Variants in AKAP9 observed in about 807,000 individuals in gnomAD.
The protein encoded by AKAP9 is A-kinase anchor protein 9.
In AKAP9, 311 loss-of-function variants were observed where a neutral mutation model predicts 488.5. The observed-to-expected ratio is 0.64, with a 90% confidence interval of 0.58 to 0.70. The LOEUF is 0.70. AKAP9 is among the 30% of genes least tolerant of loss of function. The probability of loss-of-function intolerance (pLI) is 0.00; values close to 1 mark genes in which losing one functional copy is unlikely to be tolerated. For missense variants in AKAP9, 4,215 were observed against 4,374.5 expected (o/e 0.96, Z 1.03); for synonymous variants, 1,462 against 1,483.5 (o/e 0.99, Z 0.33).
intron 3 of AKAP9, among the ~76,000 whole-genome samples, chr7:91,985,412 A>G (rs769521056): frequency 6.6e-6 from 1 of 151,970 alleles, no homozygotes; most frequent in Non-Finnish European, 1.5e-5. Flanking sequence ...GTGATGGATT[A>G]TGTTTATTGA....
chr7:91,996,940 A>G (rs1798476755), intron 7 of AKAP9, among the ~76,000 whole-genome samples: 1 of 152,176 alleles, frequency 6.6e-6, no homozygotes, highest in Non-Finnish European at 1.5e-5. Context: ...TAGAAGTACA[A>G]TTATCACTCC....
intron 26 of AKAP9, among the ~76,000 whole-genome samples, chr7:92,069,547 GAT>G (rs1811344177): frequency 6.6e-6 from 1 of 152,160 alleles, no homozygotes; most frequent in African/African-American, 2.4e-5. Context: ...TTGAAATGAA[GAT>G]ATGTTTTATA....
In AKAP9 at chr7:92,042,186, G is replaced by A. The variant is rs1806221480; in HGVS notation, c.5058G>A (p.Gln1686=). The part of the protein sequence containing the change: ...CELRNSSTQT[Q]NGNENQGEVE... Reference sequence around the variant, plus strand: ...TGCGCAACAGCAGTACGCAAACACAGGTAGTATGGACTTTGCCCCACCTAG... The same window carrying A: ...TGCGCAACAGCAGTACGCAAACACAAGTAGTATGGACTTTGCCCCACCTAG... Residue 1686 remains glutamine (Q), a splice_region_variant and synonymous_variant, in exon 19 of 50, where the codon CAG becomes CAA. Coordinates refer to ENST00000356239, the MANE Select transcript of AKAP9 (RefSeq NM_005751.5). The A allele has an allele frequency of 6.2e-7, 1 of 1,613,770 alleles. No individual in the cohort carries two copies.
chr7:91,983,458 A>G (rs971793557), intron 3 of AKAP9, among the ~76,000 whole-genome samples: 1 of 152,160 alleles, frequency 6.6e-6, no homozygotes, highest in African/African-American at 2.4e-5. Flanking sequence ...TCATTGATGG[A>G]CATTTGGGTT....
At position 92,077,228 on chromosome 7, in the gene AKAP9, G is replaced by A. The variant is rs1486528617; in HGVS notation, c.6765+221G>A. On this transcript the variant is annotated intron_variant, in intron 29 of 49. Transcript: ENST00000356239. ...CTGCCTCAGCCTCCCGAGTAGCTGG[G>A]ACTATAGGCACGTACCACCACGCCT... 4.6e-5 allele frequency among the ~76,000 whole-genome samples: 7 copies of A among 151,432 alleles called. 1 individual carries two copies. The East Asian group carries it at 1.2e-3, about 25-fold the overall frequency.
intron 15 of AKAP9, among the ~76,000 whole-genome samples, chr7:92,030,376 C>T (rs991596163): frequency 3.9e-5 from 6 of 152,184 alleles, no homozygotes; most frequent in Non-Finnish European, 8.8e-5. Flanking sequence ...GGTGTGATGG[C>T]TCATGCCTGT....
At chr7:91,987,893 C>A (rs528045020) in intron 3 of AKAP9, among the ~76,000 whole-genome samples, 1 of 151,924 alleles carries the variant, frequency 6.6e-6, no homozygotes, top group Non-Finnish European at 1.5e-5. Context: ...ATTTATTGGC[C>A]GGGCATAGTA....
At position 92,002,552 on chromosome 7, in the gene AKAP9, G is replaced by A; in HGVS notation, c.2635G>A (p.Glu879Lys). The change falls in exon 8 of 50, where the codon GAA becomes AAA. Residue 879 changes from glutamate (E) to lysine (K), a missense_variant. Glu to Lys is a moderately conservative substitution (Grantham distance 56). Coordinates refer to ENST00000356239, the MANE Select transcript of AKAP9 (RefSeq NM_005751.5). ...ACLLKVKDDL[E>K]DSKNKQELEY... ...CCTTCTCAAAGTAAAAGATGATTTA[G>A]AAGACAGTAAAAATAAACAGGAATT... 1 of 1,609,830 alleles carries A rather than the reference G, an allele frequency of 6.2e-7. No homozygotes were observed. The highest frequency in any genetic ancestry group is 2.2e-5 in the East Asian group (1 of 44,794).
intron 25 of AKAP9, 82 bp downstream of exon 25, chr7:92,065,545 GAA>G: frequency 9.9e-7 from 1 of 1,005,832 alleles, no homozygotes; most frequent in Non-Finnish European, 1.5e-6. Context: ...TTTAAATTAT[GAA>G]AAGACTGTTG....
intron 35 of AKAP9, 140 bp from the exon 36 acceptor site, chr7:92,085,355 G>A: frequency 1.2e-6 from 1 of 808,880 alleles, no homozygotes; most frequent in Non-Finnish European, 2.0e-6. Flanking sequence ...CCCTCCACAG[G>A]AAGAAGGCAT....
rs757241066 is a variant in AKAP9 at position 92,099,734 on chromosome 7, A to G, written c.10761A>G (p.Arg3587=). 5 of 1,614,004 alleles carry G rather than the reference A, an allele frequency of 3.1e-6. No individual in the cohort carries two copies. Among genetic ancestry groups the G allele is most frequent in the Non-Finnish European group, 3.4e-6 (4 of 1,179,982 alleles). ...PSTSCGSLTE[R]LLRQNAELTG... is the part of the protein sequence containing the mutation. Reference sequence around the variant, plus strand: ...CTTCTTGTGGCTCATTGACTGAAAGACTACTGAGACAAAATGCTGAGCTGA... The same window carrying G: ...CTTCTTGTGGCTCATTGACTGAAAGGCTACTGAGACAAAATGCTGAGCTGA... Residue 3587 remains arginine (R), a synonymous_variant, in exon 44 of 50, where the codon AGA becomes AGG. Transcript: ENST00000356239.
chr7:92,079,375 T>C lies in AKAP9; in HGVS notation c.7242T>C (p.Asn2414=), dbSNP rs1813137668. The C allele has an allele frequency of 6.2e-7, 1 of 1,613,930 alleles. No homozygotes were observed. The highest frequency in any genetic ancestry group is 1.1e-5 in the South Asian group (1 of 91,080). ...ATGAAGAAATGACCTTCATGAAAAATGTACTTAAAGAAACCAATTTTAAAA... is the reference window on the plus strand; with the variant it reads ...ATGAAGAAATGACCTTCATGAAAAACGTACTTAAAGAAACCAATTTTAAAA... ...TANEEMTFMK[N]VLKETNFKMN... The change falls in exon 31 of 50, where the codon AAT becomes AAC. Residue 2414 remains asparagine, a synonymous_variant. Coordinates refer to ENST00000356239, the MANE Select transcript of AKAP9 (RefSeq NM_005751.5).
intron 22 of AKAP9, 82 bp from the exon 23 acceptor site, chr7:92,061,178 C>A: frequency 6.6e-7 from 1 of 1,515,194 alleles, no homozygotes; most frequent in Non-Finnish European, 9.0e-7. Flanking sequence ...TAAAATCCTC[C>A]TTTTTTCCAG....
rs2130422211 is a variant in AKAP9 at position 91,941,007 on chromosome 7, G to C, written c.-93G>C. On this transcript the variant is annotated 5_prime_UTR_variant, in exon 1 of 50. Transcript: ENST00000356239. ...CCGAATCGGCTCTCTAGGCCGTGGA[G>C]CTTGCCGTCCCACCTCCGTCCAAAT... is the stretch of plus-strand genomic sequence containing the variant. The C allele has an allele frequency of 7.5e-7, 1 of 1,331,220 alleles. No homozygotes were observed. Among genetic ancestry groups the C allele is most frequent in the African/African-American group, 1.4e-5 (1 of 69,202 alleles). The allele number at this position is 1,331,220 out of a possible 1,614,324, so 82.5% of individuals were successfully genotyped here. A position where few individuals can be genotyped will look rare whatever the true frequency, so the allele number is the denominator to read the frequency against.
chr7:91,976,559 T>G (rs1795722020), intron 2 of AKAP9, among the ~76,000 whole-genome samples: 1 of 152,214 alleles, frequency 6.6e-6, no homozygotes, highest in Non-Finnish European at 1.5e-5. Context: ...GCTTTTTTTG[T>G]GTCTATTTGC....
In AKAP9 at chr7:91,995,789, G is replaced by A; in HGVS notation, c.919G>A (p.Val307Ile). 2 of 1,603,524 alleles carry A rather than the reference G, an allele frequency of 1.2e-6. No individual in the cohort carries two copies. Among genetic ancestry groups the A allele is most frequent in the Non-Finnish European group, 1.7e-6 (2 of 1,171,274 alleles). The change falls in exon 7 of 50, where the codon GTA (valine) becomes ATA (isoleucine). Residue 307 changes from valine to isoleucine, a missense_variant. Coordinates refer to ENST00000356239, the MANE Select transcript of AKAP9 (RefSeq NM_005751.5). The part of the protein sequence containing the change: ...QISFLQEKIK[V>I]YEMEQDKKVE... ...TAGTTTCTTGCAAGAGAAAATTAAA[G>A]TATATGAAATGGTATGTTTATTTTA...
chr7:92,016,289 A>G (rs368208297), intron 11 of AKAP9, 22 bp downstream of exon 11: 61 of 1,449,462 alleles, frequency 4.2e-5, no homozygotes, highest in Non-Finnish European at 5.4e-5. Flanking sequence ...TTACCATACT[A>G]TTAAACAGTA....
Position 91,994,682 on chromosome 7 carries a change from A to G in AKAP9, c.638A>G (p.Asn213Ser). The G allele has an allele frequency of 6.2e-7, 1 of 1,613,422 alleles. No homozygotes were observed. Among genetic ancestry groups the G allele is most frequent in the Non-Finnish European group, 8.5e-7 (1 of 1,179,600 alleles). The change falls in exon 6 of 50, where the codon AAT becomes AGT. Residue 213 changes from asparagine (N) to serine (S), a missense_variant. Around this residue, in one of 5 missense-constraint regions of AKAP9, gnomAD observed 2,361 missense variants for 2,430.0 expected, o/e 0.97. Coordinates refer to ENST00000356239, the MANE Select transcript of AKAP9 (RefSeq NM_005751.5). Reference protein sequence around the residue: ...RDGIITQLTANLQQARREKDE... With the variant: ...RDGIITQLTASLQQARREKDE... ...GGCATTATAACCCAGCTCACTGCTA[A>G]TTTACAACAAGCAAGAAGAGAAAAG... is the stretch of plus-strand genomic sequence containing the variant.
At chr7:91,981,783 T>G (rs1796443184) in intron 3 of AKAP9, among the ~76,000 whole-genome samples, 1 of 152,070 alleles carries the variant, frequency 6.6e-6, no homozygotes, top group Admixed American at 6.5e-5. Flanking sequence ...TTTTTGTATT[T>G]TTAGTAGAGA....
Sources: allele counts gnomAD v4.1 joint callset (sites outside exome capture counted in the v4.1 genomes callset), GRCh38; gene constraint gnomAD v4.1.1; regional missense constraint gnomAD v4.1.1; transcripts MANE v1.5; gene names NCBI Gene and HGNC (gene_info 2026-07-23, HGNC 2026-07-21).